ARSG: variants seen among roughly 807,000 people sequenced by gnomAD.
ARSG encodes arylsulfatase G.
A neutral mutation model predicts 50.5 loss-of-function variants in ARSG; 37 were observed. That is an observed-to-expected ratio of 0.73 (90% CI 0.56 to 0.96). The LOEUF is 0.96. Ranked by LOEUF, ARSG falls within the 50% of genes least tolerant of loss-of-function variation. The pLI is 0.00. For missense variants in ARSG, 629 were observed against 675.3 expected (o/e 0.93, Z 0.76); for synonymous variants, 225 against 254.6 (o/e 0.88, Z 1.11).
At chr17:68,281,830 C>T (rs886612109) in intron 1 of ARSG, among the ~76,000 whole-genome samples, 9 of 151,946 alleles carry the variant, frequency 5.9e-5, no homozygotes, top group Admixed American at 1.3e-4. Context: ...TAAACTAGTA[C>T]GGCCAATAAG....
chr17:68,320,925 C>CAT (rs1411199031), intron 2 of ARSG, among the ~76,000 whole-genome samples: 5 of 151,956 alleles, frequency 3.3e-5, no homozygotes, highest in Non-Finnish European at 7.4e-5. Flanking sequence ...TGTGAATGTG[C>CAT]ATATATATAT....
At chr17:68,260,368 G>A (rs187358099) in intron 1 of ARSG, among the ~76,000 whole-genome samples, 1 of 152,298 alleles carries the variant, frequency 6.6e-6, no homozygotes, top group African/African-American at 2.4e-5. Context: ...TTGTTTACAA[G>A]GGATTATACA....
chr17:68,435,051 C>G, the ARSG span, among the ~76,000 whole-genome samples: 2 of 151,994 alleles, frequency 1.3e-5, no homozygotes, highest in Non-Finnish European at 2.9e-5. Context: ...CACTAAAATA[C>G]AAAAAATTAG....
At chr17:68,449,136 T>C in the ARSG span, among the ~76,000 whole-genome samples, 1 of 152,232 alleles carries the variant, frequency 6.6e-6, no homozygotes, top group Admixed American at 6.5e-5. Context: ...GAAGAAAACA[T>C]TGTCCTCAAT....
In ARSG at chr17:68,307,371, C is replaced by T. The variant is rs1055516609; in HGVS notation, c.-123C>T. The T allele has an allele frequency of 1.8e-5, 13 of 741,626 alleles. No individual in the cohort carries two copies. Among genetic ancestry groups the T allele is most frequent in the Non-Finnish European group, 3.0e-5 (13 of 435,350 alleles). The allele number at this position is 741,626 out of a possible 1,614,324, so 45.9% of individuals were successfully genotyped here. On this transcript the variant is annotated 5_prime_UTR_variant, in exon 2 of 12. Transcript: ENST00000621439. ...CACCACTGCCACCAGCATCTTCTTG[C>T]AGATTCCACCCCTGCTCCCCAGAGA...
At chr17:68,426,244 G>T, downstream of ARSG, 1 of 985,746 alleles carries the variant, frequency 1.0e-6, no homozygotes. Context: ...CTGGCGGGTG[G>T]GGAGCGGGGG....
At chr17:68,436,631 T>A in the ARSG span, 1 of 663,514 alleles carries the variant, frequency 1.5e-6, no homozygotes. Context: ...TGATGATTCT[T>A]CTGATTAAGG....
At chr17:68,451,536 T>C in the ARSG span, among the ~76,000 whole-genome samples, 16 of 152,246 alleles carry the variant, frequency 1.1e-4, no homozygotes, top group Non-Finnish European at 1.5e-5. Flanking sequence ...CTCCAGACCC[T>C]AGGGCTCCAC....
intron 2 of ARSG, among the ~76,000 whole-genome samples, chr17:68,334,490 G>A (rs532428998): frequency 1.3e-5 from 2 of 152,268 alleles, no homozygotes; most frequent in Admixed American, 1.3e-4. Context: ...TTCTGGCTGT[G>A]TATTGCTGAG....
chr17:68,313,683 C>CTTT (rs58911609), intron 2 of ARSG, among the ~76,000 whole-genome samples: 2 of 128,228 alleles, frequency 1.6e-5, no homozygotes, highest in African/African-American at 5.7e-5. Flanking sequence ...CTCTCTCTCT[C>CTTT]TTTTTTTTTT....
intron 2 of ARSG, among the ~76,000 whole-genome samples, chr17:68,327,733 G>A (rs1435809177): frequency 6.6e-6 from 1 of 152,092 alleles, no homozygotes; most frequent in African/African-American, 2.4e-5. Context: ...TTGGGGGGAC[G>A]CAGCCCAACC....
intron 1 of ARSG, among the ~76,000 whole-genome samples, chr17:68,278,705 G>T (rs9897209): frequency 0.25 from 36,756 of 147,630 alleles, 5,040 homozygotes; most frequent in African/African-American, 0.36. Context: ...CTGAAATCTC[G>T]GCCTCCCGGG....
chr17:68,396,630 G>GA (rs1288729866), intron 10 of ARSG, among the ~76,000 whole-genome samples: 3 of 152,190 alleles, frequency 2.0e-5, no homozygotes, highest in Non-Finnish European at 4.4e-5. Flanking sequence ...GGGTCACATG[G>GA]AAGTGACTCA....
chr17:68,429,491 A>C, the ARSG span, among the ~76,000 whole-genome samples: 1 of 152,230 alleles, frequency 6.6e-6, no homozygotes. Flanking sequence ...AGAAGGCTAA[A>C]ATTCCCATGC....
chr17:68,307,303 T>C lies in ARSG; in HGVS notation c.-191T>C. The C allele has an allele frequency of 1.8e-6, 1 of 555,836 alleles. No individual in the cohort carries two copies. Among genetic ancestry groups the C allele is most frequent in the Non-Finnish European group, 3.2e-6 (1 of 313,134 alleles). The allele number at this position is 555,836 out of a possible 1,614,324, so 34.4% of individuals were successfully genotyped here. Reference sequence around the variant, plus strand: ...ATTAGGATTCCAGATGGGGGCCTCATTTCTACAGCCCCCAACATTCCTATA... The same window carrying C: ...ATTAGGATTCCAGATGGGGGCCTCACTTCTACAGCCCCCAACATTCCTATA... On this transcript the variant is annotated 5_prime_UTR_variant, in exon 2 of 12. Transcript: ENST00000621439.
At chr17:68,343,977 C>T (rs1025966839) in intron 3 of ARSG, among the ~76,000 whole-genome samples, 186 bp downstream of exon 3, 1 of 152,188 alleles carries the variant, frequency 6.6e-6, no homozygotes, top group Admixed American at 6.5e-5. Flanking sequence ...AGCTATTTTC[C>T]TCCCATTATA....
chr17:68,414,196 A>T (rs551649808), intron 11 of ARSG: 3 of 152,314 alleles, frequency 2.0e-5, no homozygotes, highest in African/African-American at 7.2e-5. Flanking sequence ...TGTCCCTTGT[A>T]TGCCGATTTT....
chr17:68,272,580 G>T, intron 1 of ARSG: 1 of 1,588,346 alleles, frequency 6.3e-7, no homozygotes, highest in Non-Finnish European at 8.6e-7. Flanking sequence ...AGCGTAGCAA[G>T]AATACCTGAG....
At chr17:68,433,504 G>A in the ARSG span, 8 of 1,614,026 alleles carry the variant, frequency 5.0e-6, no homozygotes, top group African/African-American at 1.3e-5. Context: ...GATGTGTACC[G>A]TCTCGGTGTT....
Sources: allele counts gnomAD v4.1 joint callset (sites outside exome capture counted in the v4.1 genomes callset), GRCh38; gene constraint gnomAD v4.1.1; transcripts MANE v1.5; gene names NCBI Gene and HGNC (gene_info 2026-07-23, HGNC 2026-07-21).